The following MYO10 variants were observed in gnomAD, a reference collection of about 807,000 sequenced individuals.
MYO10 encodes myosin X, also known as unconventional myosin-X.
Under a neutral mutation model 257.3 loss-of-function variants are expected in MYO10, and 133 were observed. The ratio of observed to expected loss-of-function variants is 0.52; its 90% confidence interval spans 0.45 to 0.60. MYO10 has a LOEUF of 0.60. Among genes scored for constraint, MYO10 ranks in the 20% least tolerant of loss-of-function variants. The probability of loss-of-function intolerance (pLI) is 0.00; values close to 1 mark genes in which losing one functional copy is unlikely to be tolerated. For missense variants in MYO10, 2,399 were observed against 2,635.7 expected (o/e 0.91, Z 1.97); for synonymous variants, 1,104 against 1,028.6 (o/e 1.07, Z -1.40).
intron 2 of MYO10, among the ~76,000 whole-genome samples, chr5:16,833,605 G>A (rs1051522656): frequency 2.0e-5 from 3 of 152,124 alleles, no homozygotes; most frequent in African/African-American, 7.2e-5. Flanking sequence ...TTTGGCTGCT[G>A]TTTCCCAAAA....
At chr5:16,905,589 C>T (rs1049713640) in intron 1 of MYO10, among the ~76,000 whole-genome samples, 3 of 152,078 alleles carry the variant, frequency 2.0e-5, no homozygotes, top group Non-Finnish European at 2.9e-5. Flanking sequence ...CTCCACTGAC[C>T]GATGAGTGCT....
At chr5:16,836,570 C>T (rs1296721906) in intron 2 of MYO10, among the ~76,000 whole-genome samples, 1 of 152,172 alleles carries the variant, frequency 6.6e-6, no homozygotes, top group African/African-American at 2.4e-5. Context: ...GGTATACAGC[C>T]CCCACCTTGC....
intron 21 of MYO10, among the ~76,000 whole-genome samples, chr5:16,708,205 ACTT>A (rs769890153): frequency 2.1e-4 from 32 of 152,258 alleles, no homozygotes; most frequent in Non-Finnish European, 3.8e-4. Context: ...CTCTTTAAAA[ACTT>A]CTTCATCTTG....
intron 1 of MYO10, among the ~76,000 whole-genome samples, chr5:16,935,425 A>G (rs1746407819): frequency 6.6e-6 from 1 of 152,174 alleles, no homozygotes; most frequent in African/African-American, 2.4e-5. Context: ...CCCGCTGAAC[A>G]TTTTATTGGG....
intron 15 of MYO10, 62 bp from the exon 16 acceptor site, chr5:16,762,175 T>C: frequency 6.9e-7 from 1 of 1,447,372 alleles, no homozygotes; most frequent in Non-Finnish European, 9.1e-7. Context: ...ACTGATTTCC[T>C]TTGACTTCCA....
Position 16,668,309 on chromosome 5 carries a change from C to A in MYO10, c.6043G>T (p.Asp2015Tyr). The change falls in exon 40 of 41, where the codon GAT becomes TAT. Residue 2015 changes from aspartate to tyrosine, a missense_variant. Physicochemically the swap from Asp to Tyr is radical, Grantham distance 160 (BLOSUM62 -3). Around this residue, in one of 3 missense-constraint regions of MYO10, gnomAD observed 1,820 missense variants for 1,939.4 expected, o/e 0.94. Transcript: ENST00000513610. ...PLANTYKIVV[D>Y]ERELLFETSE... ...GTTTCAAAGAGCAGCTCCCTCTCAT[C>A]GACCACGATCTTATACGTATTCGCC... 3.7e-6 allele frequency: 6 copies of A among 1,613,308 alleles called. No individual in the cohort carries two copies. The highest frequency in any genetic ancestry group is 5.1e-6 in the Non-Finnish European group (6 of 1,179,658).
At chr5:16,795,655 C>T (rs1741917069) in intron 3 of MYO10, among the ~76,000 whole-genome samples, 1 of 151,948 alleles carries the variant, frequency 6.6e-6, no homozygotes, top group Non-Finnish European at 1.5e-5. Flanking sequence ...TGTGAATGTC[C>T]TTATTATTAT....
chr5:16,732,164 T>C (rs7708588), intron 19 of MYO10, among the ~76,000 whole-genome samples: 8,968 of 152,060 alleles, frequency 0.059, 908 homozygotes, highest in African/African-American at 0.21. Context: ...AGAAAATGGA[T>C]ACTGCAAATC....
chr5:16,715,930 C>T (rs1486289472), intron 19 of MYO10, among the ~76,000 whole-genome samples: 2 of 151,904 alleles, frequency 1.3e-5, no homozygotes, highest in Non-Finnish European at 2.9e-5. Context: ...GTGGCATGTG[C>T]CTGTAGTCCC....
At chr5:16,927,125 T>C (rs1746156698) in intron 1 of MYO10, among the ~76,000 whole-genome samples, 1 of 152,224 alleles carries the variant, frequency 6.6e-6, no homozygotes, top group African/African-American at 2.4e-5. Flanking sequence ...ATTTGTACTC[T>C]TGCCTCTGGC....
chr5:16,804,037 G>A (rs1472990338), intron 3 of MYO10, among the ~76,000 whole-genome samples: 7 of 152,220 alleles, frequency 4.6e-5, no homozygotes, highest in African/African-American at 1.7e-4. Context: ...TACGGTCACG[G>A]AGCCCGTGAG....
At position 16,670,910 on chromosome 5, in the gene MYO10, C is replaced by A. The variant is rs751809355; in HGVS notation, c.5499G>T (p.Leu1833=). The A allele has an allele frequency of 4.3e-6, 7 of 1,613,908 alleles. No homozygotes were observed. The highest frequency in any genetic ancestry group is 1.7e-4 in the Middle Eastern group (1 of 6,058). ...PEENLQVLAA[L]RLQYLQGDYT... ...AATCCCCCTGCAGATACTGGAGTCGCAGGGCAGCAAGAACCTGGAGGTTTT... is the reference window on the plus strand; with the variant it reads ...AATCCCCCTGCAGATACTGGAGTCGAAGGGCAGCAAGAACCTGGAGGTTTT... The change falls in exon 39 of 41, where the codon CTG becomes CTT. Residue 1833 remains leucine, a synonymous_variant. Transcript: ENST00000513610.
chr5:16,772,348 G>T (rs1741078745), intron 9 of MYO10, among the ~76,000 whole-genome samples: 3 of 152,082 alleles, frequency 2.0e-5, no homozygotes, highest in African/African-American at 7.2e-5. Flanking sequence ...GGTCAGGCTG[G>T]TCTCGAACTC....
At chr5:16,736,945 C>T (rs991680450) in intron 19 of MYO10, among the ~76,000 whole-genome samples, 4 of 152,006 alleles carry the variant, frequency 2.6e-5, no homozygotes, top group Non-Finnish European at 5.9e-5. Flanking sequence ...TCTGTGGTCC[C>T]GTAAGAAAAC....
At chr5:16,810,949 A>G (rs894347967) in intron 3 of MYO10, among the ~76,000 whole-genome samples, 2 of 151,558 alleles carry the variant, frequency 1.3e-5, no homozygotes, top group African/African-American at 4.9e-5. Context: ...GATGCCTGTA[A>G]TCCCAGCTAC....
At chr5:16,766,501 T>C (rs778214972) in intron 10 of MYO10, among the ~76,000 whole-genome samples, 7 of 151,730 alleles carry the variant, frequency 4.6e-5, no homozygotes, top group Non-Finnish European at 1.0e-4. Context: ...ATGATCTCGG[T>C]TCACTGCAAG....
chr5:16,887,958 G>A (rs1024769852), intron 1 of MYO10, among the ~76,000 whole-genome samples: 1 of 152,196 alleles, frequency 6.6e-6, no homozygotes, highest in African/African-American at 2.4e-5. Context: ...CTCAAACATT[G>A]TAGGAATGTG....
chr5:16,927,060 T>G (rs1318353847), intron 1 of MYO10, among the ~76,000 whole-genome samples: 1 of 152,212 alleles, frequency 6.6e-6, no homozygotes. Flanking sequence ...TATTTACCAA[T>G]TTGTAAGCAT....
rs746751894 is a variant in MYO10 at position 16,762,115 on chromosome 5, T to TAAA, written c.1588-5_1588-3dup. 2,443 of 567,030 alleles carry TAAA rather than the reference T, an allele frequency of 4.3e-3. 28 individuals carry two copies. Among genetic ancestry groups the TAAA allele is most frequent in the African/African-American group, 0.017 (513 of 29,906 alleles). 35.1% of individuals were successfully genotyped at this position (567,030 alleles called of 1,614,324 possible). A position where few individuals can be genotyped will look rare whatever the true frequency, so the allele number is the denominator to read the frequency against. The stretch of plus-strand genomic sequence containing the variant: ...GGGCTTCACATAAAAGTGGTTATTC[T>TAAA]AAAAAAAAAAAAAAAAAAAAAAAAA... On this transcript the variant is annotated splice_polypyrimidine_tract_variant and splice_region_variant and intron_variant, in intron 15 of 40. Coordinates refer to ENST00000513610, the MANE Select transcript of MYO10 (RefSeq NM_012334.3).
Sources: allele counts gnomAD v4.1 joint callset (sites outside exome capture counted in the v4.1 genomes callset), GRCh38; gene constraint gnomAD v4.1.1; regional missense constraint gnomAD v4.1.1; transcripts MANE v1.5; gene names NCBI Gene and HGNC (gene_info 2026-07-23, HGNC 2026-07-21).